The following NEK11 variants were observed in gnomAD, a reference collection of about 807,000 sequenced individuals.
NEK11 encodes serine/threonine-protein kinase Nek11.
NEK11 carries 72 observed loss-of-function variants against 80.7 expected under a neutral mutation model. The ratio of observed to expected loss-of-function variants is 0.89; its 90% CI spans 0.74 to 1.08. The LOEUF (loss-of-function observed/expected upper bound fraction) is 1.08, where lower values mean the gene tolerates loss of function less well. Ranked by LOEUF, NEK11 falls within the 50% of genes least tolerant of loss-of-function variation. NEK11 has a pLI of 0.00. For missense variants in NEK11, 764 were observed against 763.6 expected (o/e 1.00, Z -0.01); for synonymous variants, 251 against 260.7 (o/e 0.96, Z 0.36).
intron 14 of NEK11, among the ~76,000 whole-genome samples, chr3:131,190,014 T>G (rs577635934): frequency 4.8e-4 from 73 of 152,356 alleles, no homozygotes; most frequent in African/African-American, 1.8e-3. Flanking sequence ...TCTACTATTT[T>G]TAATCACATA....
At chr3:131,146,814 C>G (rs982097961) in intron 7 of NEK11, among the ~76,000 whole-genome samples, 2 of 151,968 alleles carry the variant, frequency 1.3e-5, no homozygotes, top group South Asian at 4.1e-4. Flanking sequence ...AAATGTTGAG[C>G]GTCTTCTCAT....
chr3:131,240,762 C>T (rs2095506963), intron 15 of NEK11, among the ~76,000 whole-genome samples: 1 of 152,092 alleles, frequency 6.6e-6, no homozygotes, highest in African/African-American at 2.4e-5. Flanking sequence ...AATGAAGTGA[C>T]ACAGTTTTTT....
intron 5 of NEK11, among the ~76,000 whole-genome samples, chr3:131,114,767 C>A (rs1040141377): frequency 1.3e-5 from 2 of 152,186 alleles, no homozygotes; most frequent in African/African-American, 4.8e-5. Flanking sequence ...TAAAATCTTT[C>A]AAATTACAGC....
chr3:131,163,504 C>G (rs2091884137), intron 11 of NEK11, among the ~76,000 whole-genome samples: 1 of 151,886 alleles, frequency 6.6e-6, no homozygotes, highest in Non-Finnish European at 1.5e-5. Flanking sequence ...AAGACAAATA[C>G]TGCATGATAT....
At chr3:131,220,683 TC>T (rs2094990134) in intron 14 of NEK11, among the ~76,000 whole-genome samples, 1 of 152,046 alleles carries the variant, frequency 6.6e-6, no homozygotes, top group South Asian at 2.1e-4. Flanking sequence ...TGCTGAGGGC[TC>T]CCACCACCCA....
chr3:131,303,437 T>C (rs1425651917), intron 17 of NEK11, among the ~76,000 whole-genome samples: 5 of 152,234 alleles, frequency 3.3e-5, no homozygotes, highest in African/African-American at 1.2e-4. Flanking sequence ...GGTCTATGTA[T>C]TTAAGTGTGC....
At chr3:131,065,619 C>T (rs577335477) in intron 3 of NEK11, among the ~76,000 whole-genome samples, 65 of 152,292 alleles carry the variant, frequency 4.3e-4, no homozygotes, top group Non-Finnish European at 2.8e-4. Flanking sequence ...CCCCTTCCCA[C>T]ATACTTTCCC....
chr3:131,344,202 C>T (rs1274086082), intron 17 of NEK11, among the ~76,000 whole-genome samples: 1 of 152,188 alleles, frequency 6.6e-6, no homozygotes, highest in Non-Finnish European at 1.5e-5. Context: ...ATTTCTTCCA[C>T]CAGATACCCT....
At chr3:131,032,304 A>G (rs1451407511) in intron 3 of NEK11, among the ~76,000 whole-genome samples, 1 of 152,150 alleles carries the variant, frequency 6.6e-6, no homozygotes, top group African/African-American at 2.4e-5. Context: ...TAAATTGAGC[A>G]TTTCATCTTT....
At chr3:131,140,326 C>A (rs2086612289) in intron 7 of NEK11, among the ~76,000 whole-genome samples, 1 of 152,130 alleles carries the variant, frequency 6.6e-6, no homozygotes, top group South Asian at 2.1e-4. Context: ...TTGAGAGGAA[C>A]CAAGGCCTTT....
chr3:131,210,964 C>A (rs1336495180), intron 14 of NEK11, among the ~76,000 whole-genome samples: 5 of 152,104 alleles, frequency 3.3e-5, no homozygotes, highest in Admixed American at 6.6e-5. Flanking sequence ...GGGCATTTAG[C>A]CCATTTACAT....
At chr3:131,139,329 A>C (rs542552217) in intron 7 of NEK11, among the ~76,000 whole-genome samples, 1 of 148,258 alleles carries the variant, frequency 6.7e-6, no homozygotes, top group African/African-American at 2.4e-5. Flanking sequence ...GAAAATACAC[A>C]GTCAGAGGAG....
At chr3:131,252,677 C>G (rs1158403524) in intron 16 of NEK11, among the ~76,000 whole-genome samples, 1 of 152,068 alleles carries the variant, frequency 6.6e-6, no homozygotes, top group Non-Finnish European at 1.5e-5. Flanking sequence ...GATTTTCACA[C>G]TTGGGCATGC....
At chr3:131,231,233 G>A (rs867085465) in intron 15 of NEK11, among the ~76,000 whole-genome samples, 3 of 147,340 alleles carry the variant, frequency 2.0e-5, no homozygotes, top group African/African-American at 5.0e-5. Context: ...ACAGTGTCTC[G>A]CTCTGTTGCC....
At chr3:131,265,639 G>A (rs140933962) in intron 16 of NEK11, among the ~76,000 whole-genome samples, 7,464 of 152,118 alleles carry the variant, frequency 0.049, 258 homozygotes, top group East Asian at 0.18. Context: ...GAGGATTTTC[G>A]CATCGATGTT....
intron 3 of NEK11, among the ~76,000 whole-genome samples, chr3:131,042,538 G>A (rs536382687): frequency 3.1e-4 from 47 of 152,254 alleles, no homozygotes; most frequent in African/African-American, 9.4e-4. Flanking sequence ...CCACAAAGCC[G>A]CTGTAGCCAG....
chr3:131,312,002 G>A (rs573745371), intron 17 of NEK11, among the ~76,000 whole-genome samples: 27 of 152,284 alleles, frequency 1.8e-4, no homozygotes, highest in African/African-American at 6.0e-4. Context: ...TAGTTACCAG[G>A]TATATATAGA....
At chr3:131,247,240 T>G (rs1367557179) in intron 16 of NEK11, among the ~76,000 whole-genome samples, 1 of 152,222 alleles carries the variant, frequency 6.6e-6, no homozygotes, top group Non-Finnish European at 1.5e-5. Context: ...TTCTAGAATC[T>G]TTATGGTTTC....
chr3:131,117,924 GA>G (rs1211198884), intron 5 of NEK11, among the ~76,000 whole-genome samples: 3 of 152,094 alleles, frequency 2.0e-5, no homozygotes, highest in African/African-American at 4.8e-5. Flanking sequence ...TGCAAACAGG[GA>G]CAATTTGACT....
Sources: allele counts gnomAD v4.1 joint callset (sites outside exome capture counted in the v4.1 genomes callset), GRCh38; gene constraint gnomAD v4.1.1; transcripts MANE v1.5; gene names NCBI Gene and HGNC (gene_info 2026-07-23, HGNC 2026-07-21).